The following ASB10 variants were observed in gnomAD, a reference collection of about 807,000 sequenced individuals.
ASB10 encodes the protein ankyrin repeat and SOCS box protein 10.
A neutral mutation model predicts 35.4 loss-of-function variants in ASB10; 44 were observed. The observed-to-expected ratio is 1.24, with a 90% CI of 0.98 to 1.60. The LOEUF (loss-of-function observed/expected upper bound fraction) is 1.60, where lower values mean the gene tolerates loss of function less well. Among genes scored for constraint, ASB10 ranks in the 40% most tolerant of loss-of-function variants. The pLI is 0.00. For synonymous variants in ASB10, 294 were observed against 280.4 expected (o/e 1.05, Z -0.49); for missense variants, 647 against 634.3 (o/e 1.02, Z -0.22).
intron 2 of ASB10, among the ~76,000 whole-genome samples, chr7:151,184,811 A>G (rs1801556954): frequency 6.6e-6 from 1 of 152,094 alleles, no homozygotes; most frequent in African/African-American, 2.4e-5. Context: ...ACACGAGGTC[A>G]GGAGATTGAG....
rs767765146 is a variant in ASB10, at chr7:151,186,578, C to A, written c.398G>T (p.Arg133Leu). 1.9e-6 allele frequency: 3 copies of A among 1,608,196 alleles called. No individual in the cohort carries two copies. The highest frequency in any genetic ancestry group is 2.5e-6 in the Non-Finnish European group (3 of 1,178,020). The change falls in exon 2 of 6, where the codon CGG becomes CTG. Residue 133 changes from arginine to leucine, a missense_variant. Coordinates refer to ENST00000420175, the MANE Select transcript of ASB10 (RefSeq NM_001142459.2). ...CCTTGCTCGCCGCCTCAGCAGCAGC[C>A]GCAGGACTTCCGTGTGGCCACGGCT... The part of the protein sequence containing the change: ...AASRGHTEVL[R>L]LLLRRRARPD...
chr7:151,187,767 T>G, upstream of ASB10: 1 of 1,449,306 alleles, frequency 6.9e-7, no homozygotes, highest in African/African-American at 1.4e-5. The surrounding 1 kb of genome is among the most constrained non-coding windows in gnomAD (Gnocchi z 5.3). Flanking sequence ...CCAGCGATGT[T>G]GCTGGTGGAC....
At chr7:151,179,075 C>A (rs1801440903) in intron 3 of ASB10, among the ~76,000 whole-genome samples, 1 of 152,186 alleles carries the variant, frequency 6.6e-6, no homozygotes, top group Admixed American at 6.5e-5. Flanking sequence ...CCAATGATAC[C>A]CTCATTGGGA....
In ASB10 at chr7:151,181,449, C is replaced by T. The variant is rs751091355; in HGVS notation, c.594G>A (p.Glu198=). 6.3e-7 allele frequency: 1 copy of T among 1,589,634 alleles called. No homozygotes were observed. Among genetic ancestry groups the T allele is most frequent in the Admixed American group, 1.7e-5 (1 of 59,170 alleles). The change falls in exon 3 of 6, where the codon GAG becomes GAA. Residue 198 remains glutamate, a synonymous_variant. Coordinates refer to ENST00000420175, the MANE Select transcript of ASB10 (RefSeq NM_001142459.2). ...CRGPGTLECA[E]LLLRFGARVD... is the part of the protein sequence containing the mutation. ...CTCTCGCTCCAAACCTGAGGAGCAGCTCCGCACACCTATTGGGGGGAGACG... is the reference window on the plus strand; with the variant it reads ...CTCTCGCTCCAAACCTGAGGAGCAGTTCCGCACACCTATTGGGGGGAGACG...
intron 1 of ASB10, 58 bp downstream of exon 1, chr7:151,186,757 G>A: frequency 3.3e-6 from 5 of 1,533,530 alleles, no homozygotes; most frequent in East Asian, 2.3e-5. Context: ...GGAGCCCAGA[G>A]CTCCATCTGC....
At position 151,176,537 on chromosome 7, in the gene ASB10, C is replaced by G. The variant is rs73478620; in HGVS notation, c.1218+26G>C. ...AGTCTTGGGACCAGGATGAGAAGCT[C>G]TATGTTCAGGGCCTTGGAATCTGAC... On this transcript the variant is annotated intron_variant, in intron 4 of 5. Transcript: ENST00000420175. The G allele has an allele frequency of 2.0e-3, 3,072 of 1,540,386 alleles. 53 individuals carry two copies. The African/African-American group carries it at 0.036, about 18-fold the overall frequency.
upstream of ASB10, chr7:151,187,419 C>A (rs1267297728): frequency 6.4e-6 from 10 of 1,550,924 alleles, no homozygotes; most frequent in African/African-American, 1.4e-5. This position sits in a 1 kb window ranked among gnomAD's most constrained non-coding sequence, Gnocchi z 5.3. Context: ...AGCCCAGCCC[C>A]CTGGTTCTCA....
At chr7:151,184,240 C>A (rs1463715342) in intron 2 of ASB10, among the ~76,000 whole-genome samples, 1 of 151,716 alleles carries the variant, frequency 6.6e-6, no homozygotes, top group Admixed American at 6.6e-5. Flanking sequence ...GGTGAAACCC[C>A]GTCTCTACTA....
chr7:151,181,329 C>T lies in ASB10; in HGVS notation c.714G>A (p.Gly238=), dbSNP rs104886475. The part of the protein sequence containing the change: ...VELADLLLRR[G]ACPDARNAEG... ...CGGCATTGCGGGCATCAGGACATGC[C>T]CCCCGTCTTAGAAGCAGATCTGCCA... is the stretch of plus-strand genomic sequence containing the variant. Residue 238 remains glycine, a synonymous_variant, in exon 3 of 6, where the codon GGG becomes GGA. Transcript: ENST00000420175. 1,048 of 1,613,194 alleles carry T rather than the reference C, an allele frequency of 6.5e-4. 1 individual carries two copies. The highest frequency in any genetic ancestry group is 8.4e-4 in the Non-Finnish European group (996 of 1,179,964).
intron 3 of ASB10, among the ~76,000 whole-genome samples, chr7:151,178,955 G>A (rs1406005390): frequency 1.3e-5 from 2 of 152,134 alleles, no homozygotes; most frequent in Admixed American, 1.3e-4. Flanking sequence ...GTAGCTCGCT[G>A]TGTCTGGAAT....
chr7:151,182,056 A>G (rs1301180777), intron 2 of ASB10, among the ~76,000 whole-genome samples: 2 of 152,200 alleles, frequency 1.3e-5, no homozygotes, highest in African/African-American at 2.4e-5. Context: ...AGCTAATTTC[A>G]TCCTCACTAC....
At chr7:151,183,894 A>G (rs551009740) in intron 2 of ASB10, among the ~76,000 whole-genome samples, 50 of 151,826 alleles carry the variant, frequency 3.3e-4, no homozygotes, top group Non-Finnish European at 6.5e-4. Context: ...CCTCAATTTT[A>G]TATTGATTAC....
chr7:151,178,251 GA>G (rs904102455), intron 3 of ASB10, among the ~76,000 whole-genome samples: 167 of 149,716 alleles, frequency 1.1e-3, no homozygotes, highest in African/African-American at 3.9e-3. Context: ...TCTCAAAAGA[GA>G]AAAAAAAAAG....
intron 3 of ASB10, among the ~76,000 whole-genome samples, chr7:151,178,545 C>A (rs1270479953): frequency 1.3e-5 from 2 of 152,240 alleles, no homozygotes; most frequent in Non-Finnish European, 2.9e-5. Context: ...CTTTTGAGAT[C>A]TGAAAACAGC....
Position 151,186,451 on chromosome 7 carries a change from G to A in ASB10, c.525C>T (p.Asn175=). ...HVLLVAGADP[N]IADQDGKRPL... is the part of the protein sequence containing the mutation. ...GGCGTTTCCCATCCTGGTCAGCGATGTTGGGGTCGGCTCCTGCCACCAGCA... is the reference window on the plus strand; with the variant it reads ...GGCGTTTCCCATCCTGGTCAGCGATATTGGGGTCGGCTCCTGCCACCAGCA... Residue 175 remains asparagine, a synonymous_variant, in exon 2 of 6, where the codon AAC becomes AAT. Coordinates refer to ENST00000420175, the MANE Select transcript of ASB10 (RefSeq NM_001142459.2). 1 of 1,592,302 alleles carries A rather than the reference G, an allele frequency of 6.3e-7. No individual in the cohort carries two copies. The highest frequency in any genetic ancestry group is 1.3e-5 in the African/African-American group (1 of 74,586).
rs1801388632 is a variant in ASB10 at position 151,176,369 on chromosome 7, G to A, written c.1219-72C>T. On this transcript the variant is annotated intron_variant, in intron 4 of 5. Transcript: ENST00000420175. ...AGCACCGGCTCCTCCTCACAGGGTA[G>A]GCTGGTGAGGGGTGGGGCATCTACC... 3 of 1,497,728 alleles carry A rather than the reference G, an allele frequency of 2.0e-6. No homozygotes were observed. In the African/African-American group the frequency reaches 4.2e-5, roughly 21 times the overall value. 92.8% of individuals were successfully genotyped at this position (1,497,728 alleles called of 1,614,324 possible). A position where few individuals can be genotyped will look rare whatever the true frequency, so the allele number is the denominator to read the frequency against.
chr7:151,182,169 AT>A (rs1563572129), intron 2 of ASB10, among the ~76,000 whole-genome samples: 1 of 152,072 alleles, frequency 6.6e-6, no homozygotes, highest in African/African-American at 2.4e-5. Flanking sequence ...TAGGGCTGCT[AT>A]TTGGGTTCAG....
At chr7:151,186,318 C>T (rs868083376) in intron 2 of ASB10, 74 bp downstream of exon 2, 1 of 1,478,172 alleles carries the variant, frequency 6.8e-7, no homozygotes, top group Non-Finnish European at 9.0e-7. Flanking sequence ...TGACATTTTC[C>T]CCCATCCTCC....
In ASB10 at chr7:151,180,977, G is replaced by C. The variant is rs151344611; in HGVS notation, c.1066C>G (p.His356Asp). The C allele has an allele frequency of 6.3e-7, 1 of 1,583,536 alleles. No individual in the cohort carries two copies. Among genetic ancestry groups the C allele is most frequent in the Non-Finnish European group, 8.6e-7 (1 of 1,160,034 alleles). Reference protein sequence around the residue: ...PEHVVRALLNHGAVRVWPGAL... With the variant: ...PEHVVRALLNDGAVRVWPGAL... Reference sequence around the variant, plus strand: ...CCTGGCCAGACACGGACGGCGCCATGGTTGAGCAGAGCCCGAACCACGTGC... The same window carrying C: ...CCTGGCCAGACACGGACGGCGCCATCGTTGAGCAGAGCCCGAACCACGTGC... The change falls in exon 3 of 6, where the codon CAT (histidine) becomes GAT (aspartate). Residue 356 changes from histidine (H) to aspartate (D), a missense_variant. Physicochemically the swap from His to Asp is moderately conservative, Grantham distance 81. Coordinates refer to ENST00000420175, the MANE Select transcript of ASB10 (RefSeq NM_001142459.2).
Sources: allele counts gnomAD v4.1 joint callset (sites outside exome capture counted in the v4.1 genomes callset), GRCh38; gene constraint gnomAD v4.1.1; non-coding constraint Gnocchi (gnomAD v3.1); transcripts MANE v1.5; gene names NCBI Gene and HGNC (gene_info 2026-07-23, HGNC 2026-07-21).